The following MAP3K5 variants were observed in gnomAD, a reference collection of about 807,000 sequenced individuals.
MAP3K5 encodes the protein ASK-1.
A neutral mutation model predicts 158.7 loss-of-function variants in MAP3K5; 56 were observed. The observed-to-expected ratio is 0.35, with a 90% CI of 0.28 to 0.44. The LOEUF (loss-of-function observed/expected upper bound fraction) is 0.44. Among genes scored for constraint, MAP3K5 ranks in the 20% least tolerant of loss-of-function variants. MAP3K5 has a pLI of 1.00. For missense variants in MAP3K5, 1,294 were observed against 1,674.8 expected, an observed-to-expected ratio of 0.77 and a Z score of 3.97; for synonymous variants, 579 against 601.7, an observed-to-expected ratio of 0.96 and a Z score of 0.55.
At chr6:136,580,191 A>G in intron 25 of MAP3K5, 110 bp downstream of exon 25, 1 of 713,568 alleles carries the variant, frequency 1.4e-6, no homozygotes, top group Non-Finnish European at 2.4e-6. Context: ...TTCTTTAAAA[A>G]AGGGTATTAT....
chr6:136,783,828 G>C lies in MAP3K5; in HGVS notation c.448+7882C>G, dbSNP rs902245020. Among the ~76,000 whole-genome samples the C allele has an allele frequency of 5.3e-5, 8 of 152,240 alleles. No individual in the cohort carries two copies. In the South Asian group the frequency reaches 1.7e-3, roughly 31 times the overall value. ...GTGGTGTTTGAAGGGACCACTTGGA[G>C]GAAGTACTTGGAAAGCAGGCACGGT... On this transcript the variant is annotated intron_variant, in intron 1 of 29. Coordinates refer to ENST00000359015, the MANE Select transcript of MAP3K5 (RefSeq NM_005923.4).
intron 1 of MAP3K5, among the ~76,000 whole-genome samples, chr6:136,779,172 G>T (rs1784510343): frequency 6.6e-6 from 1 of 152,066 alleles, no homozygotes; most frequent in African/African-American, 2.4e-5. Context: ...ATGGTAACCT[G>T]GGAGGCAGAG....
At chr6:136,629,746 G>A (rs944818228) in intron 14 of MAP3K5, among the ~76,000 whole-genome samples, 5 of 148,230 alleles carry the variant, frequency 3.4e-5, no homozygotes, top group Admixed American at 6.7e-5. Flanking sequence ...GAGCCATGGC[G>A]CCCGGCCATA....
chr6:136,627,189 T>C (rs1424355793), intron 14 of MAP3K5, among the ~76,000 whole-genome samples: 2 of 152,224 alleles, frequency 1.3e-5, no homozygotes, highest in Non-Finnish European at 1.5e-5. Flanking sequence ...TTTTTCTTCT[T>C]AAAATCTCAC....
At chr6:136,574,984 C>G (rs77855166) in intron 25 of MAP3K5, among the ~76,000 whole-genome samples, 3 of 151,648 alleles carry the variant, frequency 2.0e-5, no homozygotes, top group Admixed American at 6.6e-5. Context: ...CCACCGCGCC[C>G]GGCCTAAACA....
intron 21 of MAP3K5, among the ~76,000 whole-genome samples, chr6:136,597,777 T>C (rs1309187174): frequency 6.6e-6 from 1 of 152,216 alleles, no homozygotes; most frequent in Non-Finnish European, 1.5e-5. Context: ...GAATAAATCT[T>C]ACTAAATAAA....
upstream of MAP3K5, among the ~76,000 whole-genome samples, chr6:136,793,058 G>A (rs1317293005): frequency 5.9e-5 from 9 of 152,196 alleles, no homozygotes; most frequent in African/African-American, 1.9e-4. Flanking sequence ...AAGCGATTAC[G>A]GGGTGGCGCA....
At chr6:136,723,094 T>C (rs1007662717) in intron 1 of MAP3K5, among the ~76,000 whole-genome samples, 2 of 146,748 alleles carry the variant, frequency 1.4e-5, no homozygotes, top group Non-Finnish European at 3.0e-5. Flanking sequence ...TAAATGTGAA[T>C]AGATTTACCC....
At chr6:136,721,182 T>G (rs997898405) in intron 1 of MAP3K5, among the ~76,000 whole-genome samples, 1 of 150,920 alleles carries the variant, frequency 6.6e-6, no homozygotes, top group African/African-American at 2.4e-5. Flanking sequence ...CTCATAAATT[T>G]CAACATTAAA....
intron 29 of MAP3K5, among the ~76,000 whole-genome samples, 157 bp downstream of exon 29, chr6:136,558,643 T>C (rs935795271): frequency 6.6e-6 from 1 of 152,222 alleles, no homozygotes; most frequent in South Asian, 2.1e-4. Flanking sequence ...AAAAATATCA[T>C]TGTCCAACTA....
At chr6:136,581,114 C>T (rs1185977866) in intron 24 of MAP3K5, among the ~76,000 whole-genome samples, 3 of 152,200 alleles carry the variant, frequency 2.0e-5, no homozygotes, top group Non-Finnish European at 2.9e-5. Flanking sequence ...ACAGTAAGTT[C>T]CCATTTCTCC....
At chr6:136,600,257 C>G (rs1775816474) in intron 21 of MAP3K5, among the ~76,000 whole-genome samples, 1 of 143,772 alleles carries the variant, frequency 7.0e-6, no homozygotes, top group African/African-American at 2.6e-5. Context: ...GTGGTATAAT[C>G]ACGGCTCACT....
chr6:136,673,781 T>C (rs1282130565), intron 7 of MAP3K5, among the ~76,000 whole-genome samples: 1 of 149,222 alleles, frequency 6.7e-6, no homozygotes, highest in Non-Finnish European at 1.5e-5. Flanking sequence ...CACAGTTAAA[T>C]GGTCTAACCT....
At chr6:136,562,882 G>A (rs1208307241) in intron 26 of MAP3K5, among the ~76,000 whole-genome samples, 6 of 125,322 alleles carry the variant, frequency 4.8e-5, no homozygotes, top group Non-Finnish European at 7.9e-5. Context: ...TTGCTATGTT[G>A]TCCAAGCTGG....
intron 7 of MAP3K5, among the ~76,000 whole-genome samples, chr6:136,677,607 C>A (rs1056383869): frequency 6.6e-5 from 10 of 152,206 alleles, no homozygotes; most frequent in African/African-American, 2.4e-4. Context: ...CATCTGGGAT[C>A]CAGCCTGAAG....
chr6:136,567,309 A>G (rs1774158546), intron 26 of MAP3K5, among the ~76,000 whole-genome samples: 4 of 152,188 alleles, frequency 2.6e-5, no homozygotes, highest in Admixed American at 2.6e-4. Context: ...TGTTCTTTTC[A>G]GCTATCTACT....
chr6:136,630,285 C>T (rs1021911642), intron 14 of MAP3K5: 1 of 152,092 alleles, frequency 6.6e-6, no homozygotes, highest in African/African-American at 2.4e-5. Context: ...CTTCTGATCT[C>T]GGAAGCTAAG....
intron 7 of MAP3K5, among the ~76,000 whole-genome samples, chr6:136,688,690 G>T (rs1057095024): frequency 6.6e-6 from 1 of 152,084 alleles, no homozygotes; most frequent in Non-Finnish European, 1.5e-5. Flanking sequence ...AACTTTATGC[G>T]ACCTTGAAAG....
At chr6:136,603,037 T>C (rs577432953) in intron 19 of MAP3K5, among the ~76,000 whole-genome samples, 3 of 152,290 alleles carry the variant, frequency 2.0e-5, no homozygotes, top group Non-Finnish European at 4.4e-5. Context: ...TTATACAGCT[T>C]ATGTAAATTC....
Sources: gnomAD v4.1 joint callset for allele counts (sites outside exome capture counted in the v4.1 genomes callset) on GRCh38, gnomAD v4.1.1 for gene constraint, MANE v1.5 for transcripts, NCBI Gene and HGNC (gene_info 2026-07-23, HGNC 2026-07-21) for gene names.